SGPP2: variants seen among roughly 807,000 people sequenced by gnomAD.
SGPP2 encodes sphingosine-1-phosphate phosphatase 2, also known as sphingosine 1-phosphate phosphohydrolase 2.
Under a neutral mutation model 33.9 loss-of-function variants are expected in SGPP2, and 30 were observed. The ratio of observed to expected loss-of-function variants is 0.89; its 90% CI spans 0.66 to 1.20. The LOEUF (loss-of-function observed/expected upper bound fraction) is 1.20. Among genes scored for constraint, SGPP2 ranks in the 50% most tolerant of loss-of-function variants. SGPP2 has a pLI of 0.00. For missense variants in SGPP2, 458 were observed against 532.1 expected, an observed-to-expected ratio of 0.86 and a Z score of 1.37; for synonymous variants, 233 against 225.0, an observed-to-expected ratio of 1.04 and a Z score of -0.32.
intron 3 of SGPP2, among the ~76,000 whole-genome samples, chr2:222,522,380 C>T (rs375808818): frequency 4.5e-4 from 69 of 152,176 alleles, no homozygotes; most frequent in African/African-American, 1.5e-3. Context: ...GGCCTGGGGC[C>T]GCAAAGAGTC....
At chr2:222,496,705 G>T (rs771479175) in intron 2 of SGPP2, among the ~76,000 whole-genome samples, 4 of 152,066 alleles carry the variant, frequency 2.6e-5, no homozygotes, top group Non-Finnish European at 5.9e-5. Context: ...ATATCCAGTA[G>T]GTACATATTC....
intron 4 of SGPP2, among the ~76,000 whole-genome samples, chr2:222,541,012 T>C (rs1206785837): frequency 6.6e-6 from 1 of 152,112 alleles, no homozygotes; most frequent in East Asian, 1.9e-4. Flanking sequence ...AGAGACGATG[T>C]TTCACTATGT....
At chr2:222,483,426 C>T (rs1013352132) in intron 2 of SGPP2, among the ~76,000 whole-genome samples, 1 of 151,926 alleles carries the variant, frequency 6.6e-6, no homozygotes, top group Non-Finnish European at 1.5e-5. Flanking sequence ...TTAAAGAGCT[C>T]AAGTTTAAAA....
chr2:222,470,023 CA>C (rs1214328382), intron 1 of SGPP2, among the ~76,000 whole-genome samples: 1 of 152,124 alleles, frequency 6.6e-6, no homozygotes, highest in Admixed American at 6.6e-5. Flanking sequence ...AACAGAAAAC[CA>C]AACACCACAT....
chr2:222,444,287 C>T (rs1428146514), intron 1 of SGPP2, among the ~76,000 whole-genome samples: 2 of 152,138 alleles, frequency 1.3e-5, no homozygotes, highest in African/African-American at 4.8e-5. Flanking sequence ...AAGCATTCAG[C>T]CATATTGTTT....
intron 1 of SGPP2, among the ~76,000 whole-genome samples, chr2:222,429,212 G>T (rs1463138872): frequency 6.6e-6 from 1 of 152,194 alleles, no homozygotes; most frequent in Non-Finnish European, 1.5e-5. Context: ...CCAAGATCCA[G>T]GTTAGAAGAG....
chr2:222,557,476 A>G (rs751176007), intron 4 of SGPP2, among the ~76,000 whole-genome samples: 16 of 152,244 alleles, frequency 1.1e-4, no homozygotes, highest in African/African-American at 2.2e-4. Context: ...AGTTATTAGA[A>G]AAAGCAAGAC....
intron 2 of SGPP2, among the ~76,000 whole-genome samples, chr2:222,508,071 G>A (rs73991419): frequency 0.014 from 2,172 of 152,246 alleles, 54 homozygotes; most frequent in African/African-American, 0.046. Flanking sequence ...GGCAAGTAAA[G>A]GACACTGATC....
Position 222,424,794 on chromosome 2 carries a change from C to A in SGPP2, c.192C>A (p.Asn64Lys). The change falls in exon 1 of 5, where the codon AAC (asparagine) becomes AAA (lysine). Residue 64 changes from asparagine to lysine, a missense_variant. Coordinates refer to ENST00000321276, the MANE Select transcript of SGPP2 (RefSeq NM_152386.4). Reference sequence around the variant, plus strand: ...GCAAGGGCGGCGAGGCTCCGGCCAACGGGCTGCGCAGAGCCGCGGCGCCGG... The same window carrying A: ...GCAAGGGCGGCGAGGCTCCGGCCAAAGGGCTGCGCAGAGCCGCGGCGCCGG... Reference protein sequence around the residue: ...ANGKGGEAPANGLRRAAAPEA... With the variant: ...ANGKGGEAPAKGLRRAAAPEA... The A allele has an allele frequency of 1.4e-6, 2 of 1,390,272 alleles. No individual in the cohort carries two copies. Among genetic ancestry groups the A allele is most frequent in the Non-Finnish European group, 1.9e-6 (2 of 1,073,900 alleles). The allele number at this position is 1,390,272 out of a possible 1,614,324, so 86.1% of individuals were successfully genotyped here.
intron 1 of SGPP2, among the ~76,000 whole-genome samples, chr2:222,462,299 A>G (rs1006113437): frequency 1.3e-5 from 2 of 152,100 alleles, no homozygotes; most frequent in East Asian, 3.9e-4. Flanking sequence ...CCCCAGCAGA[A>G]GTGAGTAGGG....
intron 2 of SGPP2, among the ~76,000 whole-genome samples, chr2:222,501,840 C>T (rs1019407409): frequency 6.6e-6 from 1 of 152,180 alleles, no homozygotes; most frequent in Non-Finnish European, 1.5e-5. Flanking sequence ...AAATAGTCTA[C>T]AGAGTTGTTT....
chr2:222,524,941 C>T lies in SGPP2; in HGVS notation c.559-3C>T. On this transcript the variant is annotated splice_region_variant and splice_polypyrimidine_tract_variant and intron_variant, in intron 3 of 4. Transcript: ENST00000321276. ...TCCCTTGTTTTTTCTCCTTCCCCCA[C>T]AGTATCCATTTGTGTTGGGACTGGT... 6.2e-7 allele frequency: 1 copy of T among 1,613,108 alleles called. No homozygotes were observed. Among genetic ancestry groups the T allele is most frequent in the Non-Finnish European group, 8.5e-7 (1 of 1,179,278 alleles).
intron 1 of SGPP2, among the ~76,000 whole-genome samples, chr2:222,468,404 A>G (rs1486298521): frequency 6.6e-6 from 1 of 151,542 alleles, no homozygotes; most frequent in Non-Finnish European, 1.5e-5. Flanking sequence ...AAAAAATTGT[A>G]CATTAAAAAA....
chr2:222,447,819 G>A (rs1227570331), intron 1 of SGPP2, among the ~76,000 whole-genome samples: 1 of 152,266 alleles, frequency 6.6e-6, no homozygotes, highest in East Asian at 1.9e-4. Context: ...AACAGGCAAA[G>A]CCTCTTCAAT....
intron 1 of SGPP2, among the ~76,000 whole-genome samples, chr2:222,429,278 G>A (rs1574825652): frequency 6.6e-6 from 1 of 152,126 alleles, no homozygotes; most frequent in Non-Finnish European, 1.5e-5. Context: ...CTTCTCCTGG[G>A]ACCCACCACC....
At chr2:222,499,239 C>G (rs1389446290) in intron 2 of SGPP2, among the ~76,000 whole-genome samples, 1 of 152,212 alleles carries the variant, frequency 6.6e-6, no homozygotes, top group Non-Finnish European at 1.5e-5. Flanking sequence ...CCAAGACTTT[C>G]TCATTAAAAA....
At position 222,462,320 on chromosome 2, in the gene SGPP2, G is replaced by A. The variant is rs147077009; in HGVS notation, c.220-12248G>A. Among the ~76,000 whole-genome samples, 869 of 152,222 alleles carry A rather than the reference G, an allele frequency of 5.7e-3. 10 individuals carry two copies. Among genetic ancestry groups the A allele is most frequent in the African/African-American group, 0.02 (813 of 41,536 alleles). ...CAGAAGTGAGTAGGGAGCTAGAAAC[G>A]CTCTTGGGTGACAAGACTCATGTTA... is the stretch of plus-strand genomic sequence containing the variant. On this transcript the variant is annotated intron_variant, in intron 1 of 4. Transcript: ENST00000321276.
At chr2:222,493,131 C>T (rs1698223223) in intron 2 of SGPP2, among the ~76,000 whole-genome samples, 1 of 152,224 alleles carries the variant, frequency 6.6e-6, no homozygotes, top group Admixed American at 6.5e-5. Context: ...CAGTGCCCCA[C>T]TACTTTGGTA....
intron 2 of SGPP2, among the ~76,000 whole-genome samples, chr2:222,491,888 G>C (rs1698202466): frequency 6.6e-6 from 1 of 152,148 alleles, no homozygotes; most frequent in South Asian, 2.1e-4. Flanking sequence ...GATACAATGG[G>C]GGTACAGGCA....
Sources: allele counts gnomAD v4.1 joint callset (sites outside exome capture counted in the v4.1 genomes callset), GRCh38; gene constraint gnomAD v4.1.1; transcripts MANE v1.5; gene names NCBI Gene and HGNC (gene_info 2026-07-23, HGNC 2026-07-21).